PDE10A: variants seen among roughly 807,000 people sequenced by gnomAD.
The protein encoded by PDE10A is cAMP and cAMP-inhibited cGMP 3',5'-cyclic phosphodiesterase 10A.
In PDE10A, 39 loss-of-function variants were observed where a neutral mutation model predicts 97.7. That is an observed-to-expected ratio of 0.40 (90% CI 0.31 to 0.52). The LOEUF (loss-of-function observed/expected upper bound fraction) is 0.52, where lower values mean the gene tolerates loss of function less well. Among genes scored for constraint, PDE10A ranks in the 20% least tolerant of loss-of-function variants. PDE10A has a pLI of 0.56. For synonymous variants in PDE10A, 371 were observed against 376.8 expected (o/e 0.98, Z 0.18); for missense variants, 731 against 1,047.8 (o/e 0.70, Z 4.17).
At chr6:165,948,005 C>T (rs1162749957) in intron 1 of PDE10A, among the ~76,000 whole-genome samples, 1 of 151,440 alleles carries the variant, frequency 6.6e-6, no homozygotes, top group Non-Finnish European at 1.5e-5. Flanking sequence ...AAAACCTTGT[C>T]AAATCAGAAT....
chr6:165,986,427 C>G (rs1454731761), intron 1 of PDE10A: 1 of 152,910 alleles, frequency 6.5e-6, no homozygotes, highest in Non-Finnish European at 1.5e-5. Context: ...GGGGCAGGGA[C>G]TCAGTGCAGA....
chr6:165,807,917 G>GT (rs1362627998), intron 1 of PDE10A, among the ~76,000 whole-genome samples: 1 of 152,194 alleles, frequency 6.6e-6, no homozygotes, highest in African/African-American at 2.4e-5. Flanking sequence ...AAAATCCAGT[G>GT]TGCTAGTGTG....
chr6:165,374,207 G>C (rs1229900556), intron 18 of PDE10A, among the ~76,000 whole-genome samples: 1 of 150,980 alleles, frequency 6.6e-6, no homozygotes, highest in Non-Finnish European at 1.5e-5. Context: ...TTGTGCACAT[G>C]TACCCTAAAA....
At chr6:165,868,706 T>A (rs9348052) in intron 1 of PDE10A, among the ~76,000 whole-genome samples, 42,755 of 151,782 alleles carry the variant, frequency 0.28, 6,327 homozygotes, top group East Asian at 0.42. Flanking sequence ...GGACATAATT[T>A]TTTTAGAAAA....
intron 2 of PDE10A, among the ~76,000 whole-genome samples, chr6:165,508,990 A>AT (rs995581466): frequency 1.3e-5 from 2 of 151,858 alleles, no homozygotes; most frequent in African/African-American, 4.8e-5. Context: ...TCACAGATTG[A>AT]TTTTTTTCTG....
At chr6:165,857,755 T>C (rs1780789038) in intron 1 of PDE10A, among the ~76,000 whole-genome samples, 1 of 150,456 alleles carries the variant, frequency 6.6e-6, no homozygotes. Flanking sequence ...ATTGTGCTCT[T>C]TGGGGCAACA....
intron 1 of PDE10A, among the ~76,000 whole-genome samples, chr6:165,909,888 G>A (rs1782405011): frequency 6.6e-6 from 1 of 151,984 alleles, no homozygotes; most frequent in African/African-American, 2.4e-5. Context: ...CTCCTCCAAA[G>A]GGCTCCTTTG....
intron 1 of PDE10A, among the ~76,000 whole-genome samples, chr6:165,801,355 C>T (rs969965347): frequency 6.6e-6 from 1 of 152,064 alleles, no homozygotes; most frequent in Admixed American, 6.5e-5. Flanking sequence ...GACCAGCCTG[C>T]CCAACATGGC....
chr6:165,344,522 C>A (rs1782182949), intron 18 of PDE10A, among the ~76,000 whole-genome samples: 2 of 152,210 alleles, frequency 1.3e-5, no homozygotes, highest in Non-Finnish European at 2.9e-5. Flanking sequence ...GGTCCACATT[C>A]TCCAACTGCG....
At chr6:165,365,501 G>C (rs2128195802) in intron 18 of PDE10A, among the ~76,000 whole-genome samples, 1 of 152,288 alleles carries the variant, frequency 6.6e-6, no homozygotes, top group African/African-American at 2.4e-5. Flanking sequence ...TTCAAGACCA[G>C]CACTGGCAAC....
chr6:165,973,446 G>T (rs1219327380), intron 1 of PDE10A, among the ~76,000 whole-genome samples: 3 of 151,952 alleles, frequency 2.0e-5, no homozygotes, highest in Non-Finnish European at 4.4e-5. Flanking sequence ...AAAAGTGATG[G>T]AATTGAGGTC....
At chr6:165,631,431 C>T (rs948319960) in intron 1 of PDE10A, among the ~76,000 whole-genome samples, 3 of 152,290 alleles carry the variant, frequency 2.0e-5, no homozygotes, top group Middle Eastern at 3.4e-3. Context: ...CAGCATCTAT[C>T]CTGAGAGTAG....
chr6:165,949,591 C>T, intron 1 of PDE10A: 1 of 152,298 alleles, frequency 6.6e-6, no homozygotes, highest in African/African-American at 2.4e-5. Context: ...GAAGTGCCAT[C>T]TCCCGCTGAC....
chr6:165,461,919 T>C (rs1778351039), intron 3 of PDE10A, among the ~76,000 whole-genome samples: 1 of 152,240 alleles, frequency 6.6e-6, no homozygotes, highest in Admixed American at 6.5e-5. Context: ...GACTGGAACC[T>C]AACTCTTCTT....
intron 1 of PDE10A, among the ~76,000 whole-genome samples, chr6:165,644,911 A>G (rs1789314967): frequency 6.6e-6 from 1 of 152,222 alleles, no homozygotes; most frequent in Non-Finnish European, 1.5e-5. Context: ...GAAATCTGGG[A>G]ACTTTAAAAA....
At chr6:165,692,469 G>A (rs1156534413) in intron 1 of PDE10A, among the ~76,000 whole-genome samples, 2 of 152,124 alleles carry the variant, frequency 1.3e-5, no homozygotes, top group Admixed American at 1.3e-4. Context: ...TGGCAGCGCT[G>A]GGCTCTCAGC....
intron 2 of PDE10A, among the ~76,000 whole-genome samples, chr6:165,506,782 C>T (rs1236281245): frequency 2.0e-5 from 3 of 152,130 alleles, no homozygotes; most frequent in Non-Finnish European, 2.9e-5. Context: ...AGTATTTTTA[C>T]TGGCACCAGC....
chr6:165,679,022 G>A (rs1790902522), intron 1 of PDE10A, among the ~76,000 whole-genome samples: 1 of 152,194 alleles, frequency 6.6e-6, no homozygotes, highest in Non-Finnish European at 1.5e-5. Flanking sequence ...TGGAGGTTCT[G>A]GATTCTCCTA....
chr6:165,368,889 G>A (rs1784008269), intron 18 of PDE10A, among the ~76,000 whole-genome samples: 1 of 152,172 alleles, frequency 6.6e-6, no homozygotes, highest in Non-Finnish European at 1.5e-5. Context: ...AACTTCCAGA[G>A]GAACGATCAG....
Sources: gnomAD v4.1 joint callset for allele counts (sites outside exome capture counted in the v4.1 genomes callset) on GRCh38, gnomAD v4.1.1 for gene constraint, MANE v1.5 for transcripts, NCBI Gene and HGNC (gene_info 2026-07-23, HGNC 2026-07-21) for gene names.